MYOM1: variants seen among roughly 807,000 people sequenced by gnomAD.
MYOM1 encodes myomesin-1.
MYOM1 carries 164 observed loss-of-function variants against 205.3 expected under a neutral mutation model. That is an observed-to-expected ratio of 0.80 (90% CI 0.70 to 0.91). The LOEUF (loss-of-function observed/expected upper bound fraction) is 0.91, where lower values mean the gene tolerates loss of function less well. MYOM1 is among the 40% of genes least tolerant of loss of function. The pLI, the probability that MYOM1 is intolerant of heterozygous loss-of-function variation, is 0.00. For synonymous variants in MYOM1, 772 were observed against 789.4 expected (o/e 0.98, Z 0.37); for missense variants, 2,011 against 2,127.3 (o/e 0.95, Z 1.08).
chr18:3,108,157 G>A (rs1466379158), intron 22 of MYOM1, among the ~76,000 whole-genome samples: 1 of 152,130 alleles, frequency 6.6e-6, no homozygotes, highest in African/African-American at 2.4e-5. Flanking sequence ...GAGCCTTCAG[G>A]GAGACTGATT....
intron 33 of MYOM1, 39 bp from the exon 34 acceptor site, chr18:3,079,381 C>T (rs377677039): frequency 5.7e-6 from 9 of 1,566,842 alleles, no homozygotes; most frequent in African/African-American, 2.7e-5. Context: ...CATTTGCTTC[C>T]ATCCAGGGCT....
At chr18:3,108,450 A>G (rs867156515) in intron 22 of MYOM1, among the ~76,000 whole-genome samples, 77 of 152,336 alleles carry the variant, frequency 5.1e-4, no homozygotes, top group African/African-American at 1.8e-3. Context: ...TTCTATTGCA[A>G]TTTAACAAAA....
the MYOM1 span, among the ~76,000 whole-genome samples, chr18:3,235,515 C>T: frequency 1.3e-5 from 2 of 152,146 alleles, no homozygotes; most frequent in Admixed American, 1.3e-4. Context: ...GGACACAGTC[C>T]CTGCTTCCCT....
chr18:3,101,010 C>G (rs1423208001), intron 23 of MYOM1, among the ~76,000 whole-genome samples: 1 of 152,176 alleles, frequency 6.6e-6, no homozygotes, highest in Non-Finnish European at 1.5e-5. Flanking sequence ...ACTGGGTTTT[C>G]TAACTTTGGT....
chr18:3,115,028 C>T (rs2079585770), intron 21 of MYOM1, among the ~76,000 whole-genome samples: 1 of 151,994 alleles, frequency 6.6e-6, no homozygotes, highest in South Asian at 2.1e-4. Context: ...AGGCCCTTGG[C>T]ATCCTCTACA....
At chr18:3,211,919 A>G (rs1253576709) in intron 2 of MYOM1, among the ~76,000 whole-genome samples, 1 of 152,192 alleles carries the variant, frequency 6.6e-6, no homozygotes, top group African/African-American at 2.4e-5. Flanking sequence ...TTCCAACCCC[A>G]GGGGTTTTAA....
At chr18:3,197,919 T>C (rs547995537) in intron 2 of MYOM1, among the ~76,000 whole-genome samples, 11 of 152,290 alleles carry the variant, frequency 7.2e-5, no homozygotes, top group African/African-American at 2.6e-4. Flanking sequence ...TTTCGTTCTA[T>C]ACTCCAATGG....
At position 3,129,261 on chromosome 18, in the gene MYOM1, GACTT is replaced by G; in HGVS notation, c.2761_2764del (p.Lys921LeufsTer4). ...GTCTGTCTTCTTTTTCAGGGGGTCA[GACTT>G]ACTTTTCCCCTGAGGAGCCGCTTTC... On this transcript the variant is annotated frameshift_variant, in exon 18 of 38. Coordinates refer to ENST00000356443, the MANE Select transcript of MYOM1 (RefSeq NM_003803.4). LOFTEE classifies it high-confidence loss of function. 4 of 1,613,890 alleles carry G rather than the reference GACTT, an allele frequency of 2.5e-6. No homozygotes were observed. The highest frequency in any genetic ancestry group is 1.3e-5 in the African/African-American group (1 of 75,032).
At position 3,214,923 on chromosome 18, in the gene MYOM1, G is replaced by C. The variant is rs766738417; in HGVS notation, c.290+11C>G. 1.3e-6 allele frequency: 2 copies of C among 1,570,678 alleles called. No individual in the cohort carries two copies. The highest frequency in any genetic ancestry group is 2.4e-5 in the South Asian group (2 of 85,084). ...TGAGGTTGGAAGGTTGGAGGAGGGC[G>C]TCCGACATACCCATGGGAGGAGCCA... On this transcript the variant is annotated intron_variant, in intron 2 of 37. Transcript: ENST00000356443.
intron 22 of MYOM1, among the ~76,000 whole-genome samples, chr18:3,106,169 A>C (rs979092442): frequency 1.3e-5 from 2 of 152,210 alleles, no homozygotes; most frequent in Admixed American, 1.3e-4. Context: ...GGCTATGTGC[A>C]TATGCTATGC....
At chr18:3,202,275 T>C (rs28794588) in intron 2 of MYOM1, among the ~76,000 whole-genome samples, 6,607 of 152,124 alleles carry the variant, frequency 0.043, 428 homozygotes, top group African/African-American at 0.14. Context: ...AAAGGAGTAA[T>C]TAAAGAGATA....
chr18:3,187,340 C>T lies in MYOM1; in HGVS notation c.929+140G>A, dbSNP rs1362710247. 4 of 890,768 alleles carry T rather than the reference C, an allele frequency of 4.5e-6. No individual in the cohort carries two copies. In the Admixed American group the frequency reaches 8.3e-5, roughly 18 times the overall value. 55.2% of individuals were successfully genotyped at this position (890,768 alleles called of 1,614,324 possible). A position where few individuals can be genotyped will look rare whatever the true frequency, so the allele number is the denominator to read the frequency against. On this transcript the variant is annotated intron_variant, in intron 5 of 37. Transcript: ENST00000356443. ...ATACAAATTCATCTCAATGCCTACC[C>T]TTCTTCACTCTTTTAAAAACCTATA...
At chr18:3,213,145 G>A (rs1349546928) in intron 2 of MYOM1, among the ~76,000 whole-genome samples, 1 of 152,192 alleles carries the variant, frequency 6.6e-6, no homozygotes, top group Non-Finnish European at 1.5e-5. Context: ...AGGGATTTCG[G>A]AATTTCTGCC....
At chr18:3,232,350 C>A in the MYOM1 span, among the ~76,000 whole-genome samples, 1 of 151,712 alleles carries the variant, frequency 6.6e-6, no homozygotes, top group Non-Finnish European at 1.5e-5. Context: ...AAAAGTAGAA[C>A]CATCCGTCAT....
chr18:3,160,597 T>C (rs1183504833), intron 10 of MYOM1, among the ~76,000 whole-genome samples: 1 of 152,212 alleles, frequency 6.6e-6, no homozygotes, highest in Non-Finnish European at 1.5e-5. Flanking sequence ...ACAAATTATA[T>C]CTCAAAAATA....
chr18:3,206,394 C>G (rs1425415859), intron 2 of MYOM1, among the ~76,000 whole-genome samples: 1 of 152,170 alleles, frequency 6.6e-6, no homozygotes, highest in Non-Finnish European at 1.5e-5. Context: ...TCAGCTTTTT[C>G]TGGGCCTCTT....
chr18:3,123,281 A>G (rs146115439), intron 19 of MYOM1, among the ~76,000 whole-genome samples: 51 of 152,352 alleles, frequency 3.3e-4, no homozygotes, highest in Admixed American at 1.4e-3. Flanking sequence ...TCAAGGTAAC[A>G]TTCAAATTAT....
chr18:3,199,778 TG>T (rs1311280171), intron 2 of MYOM1, among the ~76,000 whole-genome samples: 1 of 151,854 alleles, frequency 6.6e-6, no homozygotes, highest in Non-Finnish European at 1.5e-5. Flanking sequence ...AGGTGGAGGT[TG>T]CAGCGAGCTG....
At position 3,169,027 on chromosome 18, in the gene MYOM1, A is replaced by T. The variant is rs2080513948; in HGVS notation, c.1175-46T>A. ...TATCAGTAATTTTTTTCTTCATCAA[A>T]GAGACACAAGCATTTTAATAAGCAC... On this transcript the variant is annotated intron_variant, in intron 8 of 37. Transcript: ENST00000356443. 4 of 1,542,672 alleles carry T rather than the reference A, an allele frequency of 2.6e-6. No homozygotes were observed. In the East Asian group the frequency reaches 9.5e-5, roughly 37 times the overall value.
Sources: gnomAD v4.1 joint callset for allele counts (sites outside exome capture counted in the v4.1 genomes callset) on GRCh38, gnomAD v4.1.1 for gene constraint, MANE v1.5 for transcripts, NCBI Gene and HGNC (gene_info 2026-07-23, HGNC 2026-07-21) for gene names.